PDZRN4: variants seen among roughly 807,000 people sequenced by gnomAD.
The protein encoded by PDZRN4 is PDZ domain-containing RING finger protein 4.
A neutral mutation model predicts 99.0 loss-of-function variants in PDZRN4; 70 were observed. The observed-to-expected ratio is 0.71, with a 90% confidence interval of 0.58 to 0.86. PDZRN4 has a LOEUF of 0.86. Among genes scored for constraint, PDZRN4 ranks in the 40% least tolerant of loss-of-function variants. The pLI is 0.00. For synonymous variants in PDZRN4, 551 were observed against 501.6 expected, an observed-to-expected ratio of 1.10 and a Z score of -1.32; for missense variants, 1,474 against 1,331.2, an observed-to-expected ratio of 1.11 and a Z score of -1.67.
intron 3 of PDZRN4, among the ~76,000 whole-genome samples, chr12:41,368,773 C>T (rs1489850454): frequency 6.6e-6 from 1 of 152,014 alleles, no homozygotes; most frequent in African/African-American, 2.4e-5. Context: ...TTAAGGTGCT[C>T]CTGTATACAT....
intron 3 of PDZRN4, among the ~76,000 whole-genome samples, chr12:41,255,883 A>G (rs2120819644): frequency 6.6e-6 from 1 of 152,288 alleles, no homozygotes; most frequent in African/African-American, 2.4e-5. Context: ...GAATTAACAG[A>G]GCAAGAACTC....
chr12:41,442,367 T>A (rs181426931), intron 3 of PDZRN4, among the ~76,000 whole-genome samples: 11 of 152,260 alleles, frequency 7.2e-5, no homozygotes, highest in African/African-American at 2.6e-4. Flanking sequence ...TTGTTCTTTT[T>A]TTAAAAAAAT....
intron 4 of PDZRN4, 58 bp from the exon 5 acceptor site, chr12:41,509,753 T>C: frequency 1.2e-6 from 1 of 804,480 alleles, no homozygotes; most frequent in South Asian, 1.6e-5. Context: ...AAAATCAGTT[T>C]TAATCTGGAA....
chr12:41,357,617 C>T (rs1951936850), intron 3 of PDZRN4, among the ~76,000 whole-genome samples: 2 of 151,970 alleles, frequency 1.3e-5, no homozygotes, highest in Admixed American at 6.6e-5. Flanking sequence ...GTAATTCCTA[C>T]ATTCATGGGC....
intron 3 of PDZRN4, among the ~76,000 whole-genome samples, chr12:41,476,166 G>T (rs1405850530): frequency 6.6e-6 from 1 of 152,088 alleles, no homozygotes. Flanking sequence ...TGAAAACTTT[G>T]TATATAAAGA....
At chr12:41,316,591 A>G (rs555266261) in intron 3 of PDZRN4, among the ~76,000 whole-genome samples, 78 of 152,052 alleles carry the variant, frequency 5.1e-4, no homozygotes, top group Middle Eastern at 3.4e-3. Flanking sequence ...ACAAATGTCT[A>G]TTTCAAGAGG....
chr12:41,420,436 G>GT lies in PDZRN4; in HGVS notation c.844-86015dup, dbSNP rs148807476. Among the ~76,000 whole-genome samples the GT allele has an allele frequency of 3.9e-3, 596 of 152,188 alleles. 2 individuals are homozygous for GT. Among genetic ancestry groups the GT allele is most frequent in the African/African-American group, 0.014 (578 of 41,534 alleles). ...CCATTACAAACTTCTTGAAAGACTG[G>GT]TTTTTGTCTGCTGCCTCCACCTCAT... On this transcript the variant is annotated intron_variant, in intron 3 of 9. Transcript: ENST00000402685.
intron 7 of PDZRN4, among the ~76,000 whole-genome samples, chr12:41,561,263 T>C (rs1186912810): frequency 6.6e-6 from 1 of 152,184 alleles, no homozygotes; most frequent in Non-Finnish European, 1.5e-5. Context: ...CTTTATTTGC[T>C]TTATTTAGCA....
intron 7 of PDZRN4, among the ~76,000 whole-genome samples, chr12:41,559,169 T>TCACACACACATACATA (rs1939221556): frequency 8.1e-6 from 1 of 123,472 alleles, no homozygotes; most frequent in African/African-American, 3.2e-5. Flanking sequence ...GACATCTCAC[T>TCACACACACATACATA]CACACACACA....
chr12:41,313,952 C>A (rs543848098), intron 3 of PDZRN4, among the ~76,000 whole-genome samples: 1 of 152,066 alleles, frequency 6.6e-6, no homozygotes, highest in Non-Finnish European at 1.5e-5. Context: ...GAGTAATGGG[C>A]TTTCAATGCC....
chr12:41,505,095 A>G (rs957603794), intron 3 of PDZRN4, among the ~76,000 whole-genome samples: 2 of 152,126 alleles, frequency 1.3e-5, no homozygotes, highest in African/African-American at 4.8e-5. Flanking sequence ...GAGCACACAC[A>G]TATTCCTTGT....
chr12:41,573,931 C>T lies in PDZRN4; in HGVS notation c.*41C>T. ...GCATGCGACTGATTTTAGGAGGATG[C>T]TACCAGTTTCGGTAGAGTATGATTG... On this transcript the variant is annotated 3_prime_UTR_variant, in exon 10 of 10. Coordinates refer to ENST00000402685, the MANE Select transcript of PDZRN4 (RefSeq NM_001164595.2). 1.4e-6 allele frequency: 2 copies of T among 1,395,206 alleles called. No homozygotes were observed. Among genetic ancestry groups the T allele is most frequent in the Non-Finnish European group, 1.9e-6 (2 of 1,031,810 alleles). 86.4% of individuals were successfully genotyped at this position (1,395,206 alleles called of 1,614,324 possible).
At chr12:41,420,351 A>G (rs138213449) in intron 3 of PDZRN4, among the ~76,000 whole-genome samples, 2 of 152,096 alleles carry the variant, frequency 1.3e-5, no homozygotes, top group East Asian at 3.9e-4. Flanking sequence ...AAACAAGCAA[A>G]CCAATCCTTC....
intron 3 of PDZRN4, among the ~76,000 whole-genome samples, chr12:41,375,710 G>C (rs189334501): frequency 6.6e-6 from 1 of 152,174 alleles, no homozygotes; most frequent in African/African-American, 2.4e-5. Flanking sequence ...TTAGTTAAAA[G>C]ATCTCTCACC....
At chr12:41,513,699 A>G (rs1161146752) in intron 5 of PDZRN4, among the ~76,000 whole-genome samples, 1 of 152,072 alleles carries the variant, frequency 6.6e-6, no homozygotes, top group East Asian at 1.9e-4. Flanking sequence ...AAGTAGAGGC[A>G]GATCTCAAAT....
intron 3 of PDZRN4, among the ~76,000 whole-genome samples, chr12:41,385,362 G>A (rs1952161919): frequency 6.6e-6 from 1 of 152,108 alleles, no homozygotes; most frequent in South Asian, 2.1e-4. Flanking sequence ...GAAGTAAAAT[G>A]GACATGCTAT....
chr12:41,431,597 G>C (rs1035531053), intron 3 of PDZRN4, among the ~76,000 whole-genome samples: 8 of 152,208 alleles, frequency 5.3e-5, no homozygotes, highest in Non-Finnish European at 8.8e-5. Context: ...AGCCCACACA[G>C]GTGACAGTGA....
intron 3 of PDZRN4, among the ~76,000 whole-genome samples, chr12:41,455,168 G>C (rs1398893068): frequency 6.6e-6 from 1 of 152,140 alleles, no homozygotes; most frequent in Non-Finnish European, 1.5e-5. Flanking sequence ...TTTTTAGGGG[G>C]ATGAATTTTG....
At chr12:41,241,589 A>G (rs1404145869) in intron 3 of PDZRN4, among the ~76,000 whole-genome samples, 4 of 152,202 alleles carry the variant, frequency 2.6e-5, no homozygotes, top group African/African-American at 9.6e-5. Flanking sequence ...TAACAAATAC[A>G]TTGGAATATT....
Sources: gnomAD v4.1 joint callset for allele counts (sites outside exome capture counted in the v4.1 genomes callset) on GRCh38, gnomAD v4.1.1 for gene constraint, MANE v1.5 for transcripts, NCBI Gene and HGNC (gene_info 2026-07-23, HGNC 2026-07-21) for gene names.